The following ZC3H12D variants were observed in gnomAD, a reference collection of about 807,000 sequenced individuals.
ZC3H12D encodes probable ribonuclease ZC3H12D.
A neutral mutation model predicts 24.2 loss-of-function variants in ZC3H12D; 11 were observed. The observed-to-expected ratio is 0.46, with a 90% confidence interval of 0.29 to 0.75. ZC3H12D has a LOEUF of 0.75. Among genes scored for constraint, ZC3H12D ranks in the 30% least tolerant of loss-of-function variants. ZC3H12D has a pLI of 0.11. For missense variants in ZC3H12D, 740 were observed against 767.7 expected, an observed-to-expected ratio of 0.96 and a Z score of 0.43; for synonymous variants, 333 against 341.8, an observed-to-expected ratio of 0.97 and a Z score of 0.28.
rs1191396955 is a variant in ZC3H12D, at chr6:149,449,985, C to T, written c.*698G>A. ...TGTGGTGGGGGTATGTGTGTGAAGG[C>T]CCCAGAAGGTGGCCCTGGGACAAAG... On this transcript the variant is annotated 3_prime_UTR_variant, in exon 6 of 6. Transcript: ENST00000409806. 7.9e-6 allele frequency: 1 copy of T among 126,058 alleles called. No individual in the cohort carries two copies. The highest frequency in any genetic ancestry group is 2.6e-4 in the East Asian group (1 of 3,794). The allele number at this position is 126,058 out of a possible 1,614,324, so 7.8% of individuals were successfully genotyped here.
rs1775888207 is a variant in ZC3H12D at position 149,451,195 on chromosome 6, G to C, written c.1072C>G (p.Leu358Val). ...RLAFSDDLGP[L>V]GPPLPVPACS... The stretch of plus-strand genomic sequence containing the variant: ...GCGGGGACCGGGAGAGGCGGCCCCA[G>C]GGGCCCCAGGTCGTCGCTGAAGGCC... Residue 358 changes from leucine (L) to valine (V), a missense_variant, in exon 6 of 6, where the codon CTG becomes GTG. Coordinates refer to ENST00000409806, the MANE Select transcript of ZC3H12D (RefSeq NM_207360.3). 5.3e-6 allele frequency: 7 copies of C among 1,310,940 alleles called. No homozygotes were observed. The highest frequency in any genetic ancestry group is 6.8e-6 in the Non-Finnish European group (7 of 1,036,038). 81.2% of individuals were successfully genotyped at this position (1,310,940 alleles called of 1,614,324 possible).
chr6:149,462,918 C>T (rs1048185569), intron 2 of ZC3H12D, among the ~76,000 whole-genome samples: 10 of 152,162 alleles, frequency 6.6e-5, no homozygotes, highest in Non-Finnish European at 1.2e-4. Flanking sequence ...GGTTTTGGGC[C>T]TTGGACTGGC....
intron 3 of ZC3H12D, among the ~76,000 whole-genome samples, chr6:149,458,111 C>CTCGTTTCTTTTTTTTTT (rs1246641761): frequency 5.0e-5 from 4 of 80,240 alleles, no homozygotes; most frequent in African/African-American, 1.8e-4. Context: ...CTTTCTTTTT[C>CTCGTTTCTTTTTTTTTT]TTTTTTTTTT....
In ZC3H12D at chr6:149,451,178, C is replaced by T; in HGVS notation, c.1089G>A (p.Pro363=). Residue 363 remains proline (P), a synonymous_variant, in exon 6 of 6, where the codon CCG becomes CCA. Transcript: ENST00000409806. ...GGGGCGTGAGGCTGCAGGCGGGGAC[C>T]GGGAGAGGCGGCCCCAGGGGCCCCA... ...DDLGPLGPPL[P]VPACSLTPRL... is the part of the protein sequence containing the mutation. 1 of 1,313,540 alleles carries T rather than the reference C, an allele frequency of 7.6e-7. No homozygotes were observed. Among genetic ancestry groups the T allele is most frequent in the Non-Finnish European group, 9.6e-7 (1 of 1,037,224 alleles). 81.4% of individuals were successfully genotyped at this position (1,313,540 alleles called of 1,614,324 possible). A position where few individuals can be genotyped will look rare whatever the true frequency, so the allele number is the denominator to read the frequency against.
At chr6:149,481,198 C>G (rs1054889859) in intron 1 of ZC3H12D, among the ~76,000 whole-genome samples, 3 of 151,698 alleles carry the variant, frequency 2.0e-5, no homozygotes, top group Non-Finnish European at 2.9e-5. Flanking sequence ...GCCCCAGCCA[C>G]CTCCATCCCT....
In ZC3H12D at chr6:149,451,175, G is replaced by C; in HGVS notation, c.1092C>G (p.Val364=). ...DLGPLGPPLP[V]PACSLTPRLG... ...GTCGGGGCGTGAGGCTGCAGGCGGG[G>C]ACCGGGAGAGGCGGCCCCAGGGGCC... Residue 364 remains valine (V), a synonymous_variant, in exon 6 of 6, where the codon GTC becomes GTG. Transcript: ENST00000409806. The C allele has an allele frequency of 7.6e-7, 1 of 1,317,400 alleles. No individual in the cohort carries two copies. The highest frequency in any genetic ancestry group is 9.6e-7 in the Non-Finnish European group (1 of 1,039,410). The allele number at this position is 1,317,400 out of a possible 1,614,324, so 81.6% of individuals were successfully genotyped here.
In ZC3H12D at chr6:149,449,925, C is replaced by CTGCGTGTGTGTGTGTGTG. The variant is rs61206923; in HGVS notation, c.*757_*758insCACACACACACACACGCA. The CTGCGTGTGTGTGTGTGTG allele has an allele frequency of 0.071, 10,236 of 144,026 alleles. 507 individuals are homozygous for CTGCGTGTGTGTGTGTGTG. The highest frequency in any genetic ancestry group is 0.23 in the East Asian group (1,072 of 4,736). 8.9% of individuals were successfully genotyped at this position (144,026 alleles called of 1,614,324 possible). ...TGTGAGTATGTACATGTATGATAGACTGTGTGTGTGTGTGTGTGTGTGTGT... is the reference window on the plus strand; with the variant it reads ...TGTGAGTATGTACATGTATGATAGACTGCGTGTGTGTGTGTGTGTGTGTGTGTGTGTGTGTGTGTGTGT... On this transcript the variant is annotated 3_prime_UTR_variant, in exon 6 of 6. Coordinates refer to ENST00000409806, the MANE Select transcript of ZC3H12D (RefSeq NM_207360.3).
Position 149,447,962 on chromosome 6 carries a change from T to C in ZC3H12D, c.*2721A>G, listed in dbSNP as rs1380004384. On this transcript the variant is annotated 3_prime_UTR_variant, in exon 6 of 6. Transcript: ENST00000409806. ...CCAGGGAGACAAAAAGCAGCTCTAA[T>C]AGAAAGCGTGTCTTGTCAAAAGGTT... 1.3e-5 allele frequency: 2 copies of C among 152,196 alleles called. No homozygotes were observed. The highest frequency in any genetic ancestry group is 2.4e-5 in the African/African-American group (1 of 41,450). 9.4% of individuals were successfully genotyped at this position (152,196 alleles called of 1,614,324 possible).
At chr6:149,458,123 C>CTTTTTTTTTTTTTTTTTT (rs1776014908) in intron 3 of ZC3H12D, among the ~76,000 whole-genome samples, 1 of 47,166 alleles carries the variant, frequency 2.1e-5, no homozygotes, top group African/African-American at 1.5e-4. Context: ...TTTTTTTTTT[C>CTTTTTTTTTTTTTTTTTT]GTTTCTTTTT....
intron 1 of ZC3H12D, among the ~76,000 whole-genome samples, chr6:149,484,218 T>C (rs112500417): frequency 2.4e-4 from 37 of 152,354 alleles, no homozygotes; most frequent in African/African-American, 8.4e-4. Flanking sequence ...CTGAGGTTTC[T>C]TATGGCTGCA....
chr6:149,459,614 G>A, intron 3 of ZC3H12D: 4 of 717,930 alleles, frequency 5.6e-6, no homozygotes, highest in Admixed American at 4.0e-5. Context: ...TAACAGGTGA[G>A]CTGAGCTACT....
At chr6:149,478,675 G>A (rs1034603854) in intron 1 of ZC3H12D, among the ~76,000 whole-genome samples, 1 of 152,052 alleles carries the variant, frequency 6.6e-6, no homozygotes, top group South Asian at 2.1e-4. Flanking sequence ...ACACCATGTA[G>A]GTGACCTATA....
At chr6:149,481,425 A>C (rs1341334706) in intron 1 of ZC3H12D, among the ~76,000 whole-genome samples, 2 of 149,286 alleles carry the variant, frequency 1.3e-5, no homozygotes, top group African/African-American at 5.0e-5. Flanking sequence ...CCCAGGCTGG[A>C]GTGAAATGGT....
rs1044815931 is a variant in ZC3H12D at position 149,469,223 on chromosome 6, C to T, written c.305+5016G>A. On this transcript the variant is annotated intron_variant, in intron 2 of 5. Coordinates refer to ENST00000409806, the MANE Select transcript of ZC3H12D (RefSeq NM_207360.3). ...CTGTAATCCCAGCACTTTGGGAGGC[C>T]GAGGCGGGTGGATCACTAAGTCAGG... Among the ~76,000 whole-genome samples the T allele has an allele frequency of 3.9e-5, 6 of 152,094 alleles. No individual in the cohort carries two copies. In the East Asian group the frequency reaches 5.8e-4, roughly 15 times the overall value.
At chr6:149,465,534 C>T (rs1291354583) in intron 2 of ZC3H12D, among the ~76,000 whole-genome samples, 1 of 152,054 alleles carries the variant, frequency 6.6e-6, no homozygotes, top group East Asian at 1.9e-4. Context: ...GAGAAAGGAT[C>T]ACGAGGTCAG....
In ZC3H12D at chr6:149,447,788, CTTT is replaced by C. The variant is rs940997066; in HGVS notation, c.*2892_*2894del. ...ACACTTGAAATGTGCTGTGTTTTCA[CTTT>C]TTTTTTTGTACTTGTCTTATTCACA... On this transcript the variant is annotated 3_prime_UTR_variant, in exon 6 of 6. Transcript: ENST00000409806. 6.7e-6 allele frequency: 1 copy of C among 149,010 alleles called. No homozygotes were observed. The highest frequency in any genetic ancestry group is 1.5e-5 in the Non-Finnish European group (1 of 66,974). 9.2% of individuals were successfully genotyped at this position (149,010 alleles called of 1,614,324 possible). A position where few individuals can be genotyped will look rare whatever the true frequency, so the allele number is the denominator to read the frequency against.
intron 2 of ZC3H12D, among the ~76,000 whole-genome samples, chr6:149,470,875 G>A (rs1776233137): frequency 6.6e-6 from 1 of 152,254 alleles, no homozygotes; most frequent in Non-Finnish European, 1.5e-5. Flanking sequence ...GGCTCTGTGG[G>A]GACAGGGCAG....
intron 1 of ZC3H12D, among the ~76,000 whole-genome samples, chr6:149,480,125 C>T (rs1776401960): frequency 6.6e-6 from 1 of 152,196 alleles, no homozygotes. Flanking sequence ...TCAACACCGG[C>T]ACTGTGCTGC....
At chr6:149,484,044 G>T (rs1776464203) in intron 1 of ZC3H12D, among the ~76,000 whole-genome samples, 1 of 152,158 alleles carries the variant, frequency 6.6e-6, no homozygotes, top group African/African-American at 2.4e-5. Flanking sequence ...TCTGCATTGT[G>T]ATGGTTTCTC....
Sources: gnomAD v4.1 joint callset for allele counts (sites outside exome capture counted in the v4.1 genomes callset) on GRCh38, gnomAD v4.1.1 for gene constraint, MANE v1.5 for transcripts, NCBI Gene and HGNC (gene_info 2026-07-23, HGNC 2026-07-21) for gene names.